The following PABIR3 variants were observed in gnomAD, a reference collection of about 807,000 sequenced individuals.
The protein encoded by PABIR3 is PABIR family member 3, also known as PABIR family member 1.
Under a neutral mutation model 23.1 loss-of-function variants are expected in PABIR3, and 20 were observed. The ratio of observed to expected loss-of-function variants is 0.86; its 90% CI spans 0.61 to 1.26. The LOEUF (loss-of-function observed/expected upper bound fraction) is 1.26, where lower values mean the gene tolerates loss of function less well. Ranked by LOEUF, PABIR3 falls within the 50% of genes most tolerant of loss-of-function variation. The pLI, the probability that PABIR3 is intolerant of heterozygous loss-of-function variation, is 0.00. For synonymous variants in PABIR3, 69 were observed against 68.5 expected, an observed-to-expected ratio of 1.01 and a Z score of -0.04; for missense variants, 189 against 195.4, an observed-to-expected ratio of 0.97 and a Z score of 0.20.
chrX:134,864,100 G>A, the PABIR3 span, among the ~76,000 whole-genome samples: 2,863 of 109,856 alleles, frequency 0.026, 107 homozygotes, highest in African/African-American at 0.088. Context: ...GCCCAGGCTC[G>A]AGTGCATTGT....
chrX:134,862,057 A>G, the PABIR3 span, among the ~76,000 whole-genome samples: 1 of 110,166 alleles, frequency 9.1e-6, no homozygotes, highest in Non-Finnish European at 1.9e-5. Context: ...ATCACTTGAC[A>G]TGGAAAGATG....
intron 7 of PABIR3, 99 bp from the exon 8 acceptor site, chrX:134,847,784 G>A (rs2082483542): frequency 1.6e-6 from 1 of 633,517 alleles, no homozygotes; most frequent in African/African-American, 2.2e-5. Flanking sequence ...TTGTACCCCA[G>A]TCTCCCTCCC....
intron 7 of PABIR3, 32 bp downstream of exon 7, chrX:134,847,507 C>T (rs377027502): frequency 9.9e-7 from 1 of 1,011,922 alleles, no homozygotes; most frequent in Non-Finnish European, 1.4e-6. Flanking sequence ...GTCTATGTCT[C>T]TTGAAATAGT....
intron 9 of PABIR3, among the ~76,000 whole-genome samples, chrX:134,850,310 T>C (rs919786741): frequency 1.8e-5 from 2 of 111,571 alleles, no homozygotes; most frequent in Non-Finnish European, 3.8e-5. Context: ...TGAAATATGC[T>C]TTAATGTTCT....
At chrX:134,817,161 C>G (rs947327599) in intron 3 of PABIR3, among the ~76,000 whole-genome samples, 2 of 111,316 alleles carry the variant, frequency 1.8e-5, no homozygotes, top group African/African-American at 6.5e-5. Context: ...CAGAGTGAGA[C>G]TTTCTCTCAA....
intron 2 of PABIR3, chrX:134,811,079 G>A: frequency 1.3e-6 from 1 of 752,719 alleles, no homozygotes; most frequent in South Asian, 6.8e-5. Context: ...AATTCCTTAG[G>A]TTTGTTTCTT....
chrX:134,805,096 G>A (rs759692264), upstream of PABIR3, among the ~76,000 whole-genome samples: 18 of 112,435 alleles, frequency 1.6e-4, no homozygotes, highest in Admixed American at 8.5e-4. Flanking sequence ...GTGCTTATGA[G>A]TACAGAAATT....
chrX:134,819,170 C>T (rs753397919), intron 3 of PABIR3, among the ~76,000 whole-genome samples: 34 of 109,741 alleles, frequency 3.1e-4, no homozygotes, highest in Non-Finnish European at 5.3e-4. Context: ...CTCCTGACCT[C>T]GTGATCCGCC....
At chrX:134,847,850 G>A (rs1179086457) in intron 7 of PABIR3, 33 bp from the exon 8 acceptor site, 13 of 1,108,454 alleles carry the variant, frequency 1.2e-5, no homozygotes, top group Non-Finnish European at 1.6e-5. Context: ...GAAAAGTGGC[G>A]GTTTTAAAAC....
intron 3 of PABIR3, among the ~76,000 whole-genome samples, chrX:134,821,081 T>A (rs1243881467): frequency 5.3e-5 from 5 of 94,448 alleles, no homozygotes; most frequent in African/African-American, 2.2e-4. Context: ...TATATGTGTG[T>A]GTGTGTGTAT....
Position 134,814,774 on chromosome X carries a change from T to C in PABIR3, c.114T>C (p.Phe38=). 8.5e-7 allele frequency: 1 copy of C among 1,178,155 alleles called. No homozygotes were observed. Among genetic ancestry groups the C allele is most frequent in the Non-Finnish European group, 1.1e-6 (1 of 877,287 alleles). ...ATGTTTTTGTTTTTCTTTTTAGTTT[T>C]AATTCACAGGTGTTGCAAGCTGACA... ...NSAPLINGLG[F]NSQVLQADML... Residue 38 remains phenylalanine, a synonymous_variant, in exon 3 of 11, where the codon TTT becomes TTC. Coordinates refer to ENST00000645433, the MANE Select transcript of PABIR3 (RefSeq NM_001388447.1).
the PABIR3 span, among the ~76,000 whole-genome samples, chrX:134,863,839 A>T: frequency 1.8e-5 from 2 of 111,220 alleles, no homozygotes; most frequent in Admixed American, 1.9e-4. Context: ...TGTGATAAAT[A>T]TATGCACCAG....
intron 3 of PABIR3, 24 bp from the exon 4 acceptor site, chrX:134,829,202 T>C (rs2081647349): frequency 5.1e-6 from 6 of 1,181,197 alleles, no homozygotes; most frequent in South Asian, 1.8e-5. Flanking sequence ...AAAGCAAGCT[T>C]GACTTCTATA....
intron 4 of PABIR3, among the ~76,000 whole-genome samples, chrX:134,843,881 T>C (rs1339014841): frequency 2.8e-5 from 3 of 108,057 alleles, no homozygotes; most frequent in Non-Finnish European, 5.7e-5. Context: ...GGCTTATTTC[T>C]GTGCGCTCTA....
chrX:134,851,134 G>C (rs774621693), intron 9 of PABIR3, among the ~76,000 whole-genome samples: 1 of 110,229 alleles, frequency 9.1e-6, no homozygotes, highest in Admixed American at 9.8e-5. Flanking sequence ...GGGGCGGGGG[G>C]AACTAAAAAG....
intron 9 of PABIR3, among the ~76,000 whole-genome samples, chrX:134,851,560 C>T (rs1180349643): frequency 9.2e-6 from 1 of 109,157 alleles, no homozygotes; most frequent in Non-Finnish European, 1.9e-5. Flanking sequence ...AAGGAATAAG[C>T]GAGAGCAAAT....
Position 134,814,845 on chromosome X carries a change from C to G in PABIR3, c.185C>G (p.Ser62Cys). ...TNRTTFRNRR[S>C]LLLPPPPFHG... ...AGAACAACATTTAGGAATCGACGCT[C>G]TCTGGTAAGGAAATGCTTATAGTGG... The change falls in exon 3 of 11, where the codon TCT (serine) becomes TGT (cysteine). Residue 62 changes from serine (S) to cysteine (C), a missense_variant. Coordinates refer to ENST00000645433, the MANE Select transcript of PABIR3 (RefSeq NM_001388447.1). 8.4e-7 allele frequency: 1 copy of G among 1,188,878 alleles called. No individual in the cohort carries two copies. Among genetic ancestry groups the G allele is most frequent in the Non-Finnish European group, 1.1e-6 (1 of 880,306 alleles).
intron 3 of PABIR3, among the ~76,000 whole-genome samples, chrX:134,818,816 G>A (rs1244270141): frequency 9.1e-6 from 1 of 110,410 alleles, no homozygotes; most frequent in Admixed American, 9.8e-5. Context: ...AAATATGTGG[G>A]TTTTTTTAAA....
intron 4 of PABIR3, chrX:134,838,785 A>G (rs2082079592): frequency 1.0e-5 from 1 of 96,047 alleles, no homozygotes; most frequent in African/African-American, 3.9e-5. Flanking sequence ...GCTCACTGCA[A>G]CCTCCCTGCC....
Sources: allele counts gnomAD v4.1 joint callset (sites outside exome capture counted in the v4.1 genomes callset), GRCh38; gene constraint gnomAD v4.1.1; transcripts MANE v1.5; gene names NCBI Gene and HGNC (gene_info 2026-07-23, HGNC 2026-07-21).